FRMD5: variants seen among roughly 807,000 people sequenced by gnomAD.
The protein encoded by FRMD5 is FERM domain-containing protein 5.
In FRMD5, 20 loss-of-function variants were observed where a neutral mutation model predicts 69.0. That is an observed-to-expected ratio of 0.29 (90% CI 0.20 to 0.42). FRMD5 has a LOEUF of 0.42. FRMD5 is among the 10% of genes least tolerant of loss of function. The pLI is 1.00. For synonymous variants in FRMD5, 271 were observed against 260.1 expected (o/e 1.04, Z -0.40); for missense variants, 595 against 708.6 (o/e 0.84, Z 1.82).
chr15:44,145,907 T>C (rs190436654), intron 1 of FRMD5, among the ~76,000 whole-genome samples: 13 of 152,326 alleles, frequency 8.5e-5, no homozygotes, highest in Admixed American at 7.8e-4. Context: ...GAGCTTACCA[T>C]ATGGAAATGG....
intron 1 of FRMD5, among the ~76,000 whole-genome samples, chr15:44,103,901 T>C (rs1178601662): frequency 2.6e-5 from 4 of 152,256 alleles, no homozygotes. Flanking sequence ...GTTACTCATA[T>C]GTTTGTGATG....
chr15:44,048,151 A>G lies in FRMD5; in HGVS notation c.103-123842T>C, dbSNP rs1892509788. Among the ~76,000 whole-genome samples the G allele has an allele frequency of 1.3e-5, 2 of 152,216 alleles. 1 individual carries two copies. The highest frequency in any genetic ancestry group is 1.3e-4 in the Admixed American group (2 of 15,286). The stretch of plus-strand genomic sequence containing the variant: ...TTGAGGAACTGCCAAACTGTTTTCC[A>G]AAGTGGCTATACCATTTTCTATTCC... On this transcript the variant is annotated intron_variant, in intron 1 of 13. Transcript: ENST00000417257.
At chr15:44,168,641 A>G (rs1372649800) in intron 1 of FRMD5, among the ~76,000 whole-genome samples, 2 of 152,246 alleles carry the variant, frequency 1.3e-5, no homozygotes, top group Non-Finnish European at 2.9e-5. Context: ...TTGTCCAATC[A>G]GAGTTCAGGA....
chr15:44,088,718 T>C (rs938496849), intron 1 of FRMD5, among the ~76,000 whole-genome samples: 23 of 152,330 alleles, frequency 1.5e-4, no homozygotes, highest in African/African-American at 5.1e-4. Context: ...ACTTTATATA[T>C]GTGCTCTCCT....
chr15:44,032,821 G>A (rs996521279), intron 1 of FRMD5, among the ~76,000 whole-genome samples: 3 of 151,884 alleles, frequency 2.0e-5, no homozygotes, highest in African/African-American at 7.2e-5. Flanking sequence ...GAGCTCAACA[G>A]CAGAGCTACC....
chr15:44,096,111 C>G (rs944450882), intron 1 of FRMD5, among the ~76,000 whole-genome samples: 1 of 143,174 alleles, frequency 7.0e-6, no homozygotes, highest in African/African-American at 2.6e-5. Flanking sequence ...GAGGCTGAGG[C>G]AGGAGAATCG....
chr15:43,982,139 A>T (rs1236108901), intron 1 of FRMD5, among the ~76,000 whole-genome samples: 2 of 152,178 alleles, frequency 1.3e-5, no homozygotes, highest in African/African-American at 4.8e-5. Flanking sequence ...ACATCCTTCC[A>T]TACAGTTCTG....
chr15:44,033,619 C>A (rs902154034), intron 1 of FRMD5, among the ~76,000 whole-genome samples: 5 of 152,104 alleles, frequency 3.3e-5, no homozygotes, highest in African/African-American at 1.2e-4. Context: ...GAGAATTACA[C>A]CAGTAAACAA....
chr15:44,058,421 G>T (rs944623392), intron 1 of FRMD5, among the ~76,000 whole-genome samples: 1 of 152,166 alleles, frequency 6.6e-6, no homozygotes, highest in African/African-American at 2.4e-5. Flanking sequence ...AAATTATATT[G>T]TGGTGATGGT....
At chr15:43,989,185 C>G (rs375511167) in intron 1 of FRMD5, 3 of 859,246 alleles carry the variant, frequency 3.5e-6, no homozygotes, top group Non-Finnish European at 6.1e-6. Context: ...GGAGTACTTG[C>G]GCTTGGGAGG....
chr15:44,195,009 C>A lies in FRMD5; in HGVS notation c.46G>T (p.Glu16Ter). 1 of 1,560,920 alleles carries A rather than the reference C, an allele frequency of 6.4e-7. No individual in the cohort carries two copies. Among genetic ancestry groups the A allele is most frequent in the East Asian group, 2.4e-5 (1 of 41,344 alleles). The change falls in exon 1 of 14, where the codon GAG becomes TAG. Residue 16 changes from glutamate (E) to a stop codon, truncating the protein, a stop_gained. Transcript: ENST00000417257. LOFTEE classifies it high-confidence loss of function. ...MSGSSRSLER[E>*]YSCTVRLLDD... The stretch of plus-strand genomic sequence containing the variant: ...AGCAGCCGCACGGTGCAGCTGTACT[C>A]GCGCTCCAGGCTCCTGCTGCTGCCG...
Position 44,023,207 on chromosome 15 carries a change from T to TA in FRMD5, c.103-98899dup, listed in dbSNP as rs1436568165. Reference sequence around the variant, plus strand: ...TTGCCCCTGAAATGTAGTTACCATCTAGATGATACCTGAAGACACTCCCAT... The same window carrying TA: ...TTGCCCCTGAAATGTAGTTACCATCTAAGATGATACCTGAAGACACTCCCAT... On this transcript the variant is annotated intron_variant, in intron 1 of 13. Coordinates refer to ENST00000417257, the MANE Select transcript of FRMD5 (RefSeq NM_032892.5). Among the ~76,000 whole-genome samples, 9 of 152,300 alleles carry TA rather than the reference T, an allele frequency of 5.9e-5. No individual in the cohort carries two copies. The East Asian group carries it at 1.3e-3, about 23-fold the overall frequency.
chr15:43,945,777 C>T (rs543024837), intron 1 of FRMD5, among the ~76,000 whole-genome samples: 25 of 152,264 alleles, frequency 1.6e-4, no homozygotes, highest in African/African-American at 5.5e-4. Context: ...TTAAAAATGT[C>T]TTCCCCAGGT....
At chr15:44,046,896 C>G (rs547495318) in intron 1 of FRMD5, among the ~76,000 whole-genome samples, 1 of 152,294 alleles carries the variant, frequency 6.6e-6, no homozygotes, top group East Asian at 1.9e-4. Context: ...ACACTGAATA[C>G]CAACTGGAAC....
chr15:43,991,021 T>C (rs975664670), intron 1 of FRMD5, among the ~76,000 whole-genome samples: 8 of 152,238 alleles, frequency 5.3e-5, no homozygotes, highest in African/African-American at 1.9e-4. Flanking sequence ...AAGAGAGCTC[T>C]GTAATTTTCT....
intron 10 of FRMD5, among the ~76,000 whole-genome samples, chr15:43,887,147 A>G (rs1457927110): frequency 6.6e-6 from 1 of 152,204 alleles, no homozygotes; most frequent in East Asian, 1.9e-4. Context: ...CCTTTGGTAG[A>G]GAGAAAGGGA....
At chr15:44,198,216 G>A (rs2078323324), upstream of FRMD5, among the ~76,000 whole-genome samples, 1 of 151,664 alleles carries the variant, frequency 6.6e-6, no homozygotes, top group African/African-American at 2.4e-5. Flanking sequence ...CCCAGCTGCT[G>A]GGGAGGCTGA....
chr15:44,028,240 G>A (rs1054583502), intron 1 of FRMD5, among the ~76,000 whole-genome samples: 1 of 152,136 alleles, frequency 6.6e-6, no homozygotes, highest in South Asian at 2.1e-4. Context: ...CATACAAAAG[G>A]GAGTGTAGAG....
chr15:43,883,677 G>A, intron 13 of FRMD5, 26 bp downstream of exon 13: 2 of 1,529,342 alleles, frequency 1.3e-6, no homozygotes, highest in East Asian at 2.3e-5. Flanking sequence ...GGACCCCAGT[G>A]GTCACCTCAA....
Sources: gnomAD v4.1 joint callset for allele counts (sites outside exome capture counted in the v4.1 genomes callset) on GRCh38, gnomAD v4.1.1 for gene constraint, MANE v1.5 for transcripts, NCBI Gene and HGNC (gene_info 2026-07-23, HGNC 2026-07-21) for gene names.